The following PPM1L variants were observed in gnomAD, a reference collection of about 807,000 sequenced individuals.
PPM1L encodes protein phosphatase 1L.
Under a neutral mutation model 31.4 loss-of-function variants are expected in PPM1L, and 13 were observed. The ratio of observed to expected loss-of-function variants is 0.41; its 90% CI spans 0.27 to 0.66. The LOEUF is 0.66. Among genes scored for constraint, PPM1L ranks in the 30% least tolerant of loss-of-function variants. The probability of loss-of-function intolerance (pLI) is 0.29; values close to 1 mark genes in which losing one functional copy is unlikely to be tolerated. For missense variants in PPM1L, 326 were observed against 453.7 expected, an observed-to-expected ratio of 0.72 and a Z score of 2.56; for synonymous variants, 184 against 175.4, an observed-to-expected ratio of 1.05 and a Z score of -0.39.
intron 1 of PPM1L, among the ~76,000 whole-genome samples, chr3:160,786,157 C>CTCTG (rs1553806231): frequency 8.7e-5 from 6 of 69,198 alleles, no homozygotes; most frequent in Non-Finnish European, 1.2e-4. Context: ...CTCTCTCTCT[C>CTCTG]TGTGTGTGTG....
intron 2 of PPM1L, among the ~76,000 whole-genome samples, chr3:161,004,834 A>G (rs185671741): frequency 0.01 from 1,547 of 151,676 alleles, 29 homozygotes; most frequent in African/African-American, 0.036. Flanking sequence ...TTGTATCTCT[A>G]TTTCCTTCAG....
chr3:160,928,798 C>A (rs902983924), intron 1 of PPM1L, among the ~76,000 whole-genome samples: 1 of 152,156 alleles, frequency 6.6e-6, no homozygotes, highest in East Asian at 1.9e-4. Flanking sequence ...TCTATGAGAA[C>A]AGGCCTTCGC....
At chr3:161,018,015 A>C (rs181002870) in intron 2 of PPM1L, among the ~76,000 whole-genome samples, 1 of 152,322 alleles carries the variant, frequency 6.6e-6, no homozygotes, top group East Asian at 1.9e-4. Context: ...TTAAAAGCTT[A>C]AAATTAATAA....
At chr3:161,022,069 T>C (rs1177163943) in intron 2 of PPM1L, 2 of 589,668 alleles carry the variant, frequency 3.4e-6, no homozygotes, top group Non-Finnish European at 6.0e-6. Flanking sequence ...TTATGTATTT[T>C]GTTCCTTTAT....
At chr3:161,017,405 G>C (rs548263066) in intron 2 of PPM1L, among the ~76,000 whole-genome samples, 1 of 152,242 alleles carries the variant, frequency 6.6e-6, no homozygotes, top group South Asian at 2.1e-4. Context: ...TGATTATGTT[G>C]ATTGGCTCTT....
At chr3:160,794,603 G>A (rs1440759702) in intron 1 of PPM1L, among the ~76,000 whole-genome samples, 1 of 152,134 alleles carries the variant, frequency 6.6e-6, no homozygotes, top group East Asian at 1.9e-4. Context: ...TGTCTTCATT[G>A]TAAAGCACGA....
At chr3:160,870,623 T>C (rs1042959960) in intron 1 of PPM1L, 2 of 152,326 alleles carry the variant, frequency 1.3e-5, no homozygotes, top group Admixed American at 1.3e-4. Flanking sequence ...GTGACACTTC[T>C]CGGTCATTTC....
chr3:160,905,170 A>G (rs1410454465), intron 1 of PPM1L, among the ~76,000 whole-genome samples: 1 of 152,154 alleles, frequency 6.6e-6, no homozygotes, highest in Admixed American at 6.5e-5. Flanking sequence ...ATCCAACCTC[A>G]TATATCTTTA....
intron 1 of PPM1L, among the ~76,000 whole-genome samples, chr3:160,889,917 T>C (rs1204485322): frequency 2.6e-5 from 4 of 152,192 alleles, no homozygotes; most frequent in Admixed American, 6.5e-5. Context: ...ATTATCTCAA[T>C]AGATGCAGAA....
intron 1 of PPM1L, among the ~76,000 whole-genome samples, chr3:160,929,107 C>T (rs1322768685): frequency 6.6e-6 from 1 of 151,968 alleles, no homozygotes; most frequent in Non-Finnish European, 1.5e-5. Flanking sequence ...TTCAACTCAT[C>T]TAGTAACCAG....
At chr3:160,817,150 T>TG (rs1713023197) in intron 1 of PPM1L, among the ~76,000 whole-genome samples, 1 of 152,072 alleles carries the variant, frequency 6.6e-6, no homozygotes, top group Non-Finnish European at 1.5e-5. Context: ...ATCTCATACT[T>TG]GCACGGGTGC....
At chr3:160,877,480 A>G (rs2108034698) in intron 1 of PPM1L, among the ~76,000 whole-genome samples, 1 of 152,306 alleles carries the variant, frequency 6.6e-6, no homozygotes, top group African/African-American at 2.4e-5. Context: ...TTTTGAGGGT[A>G]GGTACCAGGT....
At chr3:160,792,549 C>T (rs1712135854) in intron 1 of PPM1L, among the ~76,000 whole-genome samples, 1 of 152,134 alleles carries the variant, frequency 6.6e-6, no homozygotes, top group Admixed American at 6.6e-5. Flanking sequence ...TATTGATACA[C>T]TATTATTAAC....
At chr3:160,836,065 A>G (rs1273757146) in intron 1 of PPM1L, among the ~76,000 whole-genome samples, 1 of 152,056 alleles carries the variant, frequency 6.6e-6, no homozygotes, top group East Asian at 1.9e-4. Context: ...CTTTTCAGGT[A>G]TCTTATTATT....
Position 161,022,870 on chromosome 3 carries a change from T to C in PPM1L, c.575-42533T>C, listed in dbSNP as rs148299523. On this transcript the variant is annotated intron_variant, in intron 2 of 3. Coordinates refer to ENST00000498165, the MANE Select transcript of PPM1L (RefSeq NM_139245.4). The stretch of plus-strand genomic sequence containing the variant: ...TAGTAGAGATGGGGTTTCACTGTGT[T>C]AGCCAGAATGGTCTCGATCTCCTGA... Among the ~76,000 whole-genome samples, 634 of 152,176 alleles carry C rather than the reference T, an allele frequency of 4.2e-3. 3 individuals are homozygous for C. The highest frequency in any genetic ancestry group is 0.027 in the Middle Eastern group (8 of 294).
intron 1 of PPM1L, among the ~76,000 whole-genome samples, chr3:160,757,767 C>T (rs1374260698): frequency 6.6e-6 from 1 of 152,206 alleles, no homozygotes; most frequent in East Asian, 1.9e-4. Context: ...TTAACCCCTT[C>T]CTGTTTTTGA....
intron 2 of PPM1L, among the ~76,000 whole-genome samples, chr3:161,018,901 C>G (rs1718160891): frequency 6.6e-6 from 1 of 152,100 alleles, no homozygotes; most frequent in Admixed American, 6.6e-5. Context: ...TTGGAATTCA[C>G]TATTTGACAT....
intron 1 of PPM1L, among the ~76,000 whole-genome samples, chr3:160,788,334 A>G (rs1418260661): frequency 6.6e-6 from 1 of 151,858 alleles, no homozygotes; most frequent in African/African-American, 2.4e-5. Context: ...TTTCACCTCC[A>G]TGGTTAGCTG....
intron 1 of PPM1L, among the ~76,000 whole-genome samples, chr3:160,827,782 G>A (rs1430269621): frequency 6.6e-6 from 1 of 152,008 alleles, no homozygotes; most frequent in Non-Finnish European, 1.5e-5. Context: ...TTGTGATAAA[G>A]GAATACTGGA....
Sources: gnomAD v4.1 joint callset for allele counts (sites outside exome capture counted in the v4.1 genomes callset) on GRCh38, gnomAD v4.1.1 for gene constraint, MANE v1.5 for transcripts, NCBI Gene and HGNC (gene_info 2026-07-23, HGNC 2026-07-21) for gene names.